KCNQ1OT1: variants seen among roughly 807,000 people sequenced by gnomAD.
KCNQ1OT1 encodes the protein KCNQ1 opposite strand/antisense transcript 1.
Position 2,623,933 on chromosome 11 carries a change from C to A in KCNQ1OT1, n.76062G>T. The A allele has an allele frequency of 1.0e-5, 4 of 398,556 alleles. No homozygotes were observed. The highest frequency in any genetic ancestry group is 1.8e-5 in the Non-Finnish European group (4 of 226,034). 24.7% of individuals were successfully genotyped at this position (398,556 alleles called of 1,614,324 possible). On this transcript the variant is annotated non_coding_transcript_exon_variant, in exon 1 of 1. Coordinates refer to ENST00000597346, the Ensembl canonical transcript of KCNQ1OT1. This position sits in a 1 kb window ranked among gnomAD's most constrained non-coding sequence, Gnocchi z 5.2. ...TCCTATGATAATTCCATTTTTAATT[C>A]TTTGAAGAACCACCAAACTCTTCTC...
In KCNQ1OT1 at chr11:2,679,963, G is replaced by A. The variant is rs1269284760; in HGVS notation, n.20032C>T. 4.3e-5 allele frequency: 17 copies of A among 396,858 alleles called. 1 individual carries two copies. Among genetic ancestry groups the A allele is most frequent in the Middle Eastern group, 6.3e-4 (1 of 1,584 alleles). 24.6% of individuals were successfully genotyped at this position (396,858 alleles called of 1,614,324 possible). A position where few individuals can be genotyped will look rare whatever the true frequency, so the allele number is the denominator to read the frequency against. On this transcript the variant is annotated non_coding_transcript_exon_variant, in exon 1 of 1. Coordinates refer to ENST00000597346, the Ensembl canonical transcript of KCNQ1OT1. The surrounding 1 kb of genome is among the most constrained non-coding windows in gnomAD (Gnocchi z 4.8). ...GGCGGGAATGCAGTGGCACAGTCTC[G>A]GCTTACTGCAACCTCTACCTCCTGG...
Position 2,626,756 on chromosome 11 carries a change from T to C in KCNQ1OT1, n.73239A>G. 2.5e-6 allele frequency: 1 copy of C among 398,516 alleles called. No homozygotes were observed. Among genetic ancestry groups the C allele is most frequent in the Non-Finnish European group, 4.4e-6 (1 of 226,080 alleles). The allele number at this position is 398,516 out of a possible 1,614,324, so 24.7% of individuals were successfully genotyped here. On this transcript the variant is annotated non_coding_transcript_exon_variant, in exon 1 of 1. Transcript: ENST00000597346. This position sits in a 1 kb window ranked among gnomAD's most constrained non-coding sequence, Gnocchi z 4.0. ...GTTCCCCAGGCTGGTCTCAAACTCC[T>C]GGACTCAGAAGTCCTCCCACCTCAG...
chr11:2,655,084 T>G (rs1849820935), exon 1 of KCNQ1OT1: 1 of 398,622 alleles, frequency 2.5e-6, no homozygotes, highest in African/African-American at 2.1e-5. Context: ...GTGCCTGTAT[T>G]TTTAAAAAAA....
In KCNQ1OT1 at chr11:2,644,529, T is replaced by C. The variant is rs79461706; in HGVS notation, n.55466A>G. The C allele has an allele frequency of 7.5e-6, 3 of 398,524 alleles. No individual in the cohort carries two copies. The South Asian group carries it at 3.8e-4, about 51-fold the overall frequency. The allele number at this position is 398,524 out of a possible 1,614,324, so 24.7% of individuals were successfully genotyped here. ...CTATCAGATCTTCTTTAATATTATATTGAATTTTTCAAGGTTTCATCAATT... is the reference window on the plus strand; with the variant it reads ...CTATCAGATCTTCTTTAATATTATACTGAATTTTTCAAGGTTTCATCAATT... On this transcript the variant is annotated non_coding_transcript_exon_variant, in exon 1 of 1. Transcript: ENST00000597346.
chr11:2,654,611 T>A lies in KCNQ1OT1; in HGVS notation n.45384A>T. ...GCAGGGGGTGAGTGGTTGGGTGAAG[T>A]TACTAGGAAGGGCCCAGACACTGGC... On this transcript the variant is annotated non_coding_transcript_exon_variant, in exon 1 of 1. Coordinates refer to ENST00000597346, the Ensembl canonical transcript of KCNQ1OT1. The surrounding 1 kb of genome is among the most constrained non-coding windows in gnomAD (Gnocchi z 6.4). The A allele has an allele frequency of 2.5e-6, 1 of 398,572 alleles. No individual in the cohort carries two copies. The highest frequency in any genetic ancestry group is 4.4e-6 in the Non-Finnish European group (1 of 226,190). The allele number at this position is 398,572 out of a possible 1,614,324, so 24.7% of individuals were successfully genotyped here.
rs34219164 is a variant in KCNQ1OT1, at chr11:2,674,832, TAAAAAAAAAAAAAAAA to T, written n.25147_25162del. ...GCTTGTCACCCTAATAGCTGTTTTT[TAAAAAAAAAAAAAAAA>T]AAAAAAAAAAAAGCTCACTGGGCAC... On this transcript the variant is annotated non_coding_transcript_exon_variant, in exon 1 of 1. Coordinates refer to ENST00000597346, the Ensembl canonical transcript of KCNQ1OT1. This position sits in a 1 kb window ranked among gnomAD's most constrained non-coding sequence, Gnocchi z 5.9. 2 of 243,764 alleles carry T rather than the reference TAAAAAAAAAAAAAAAA, an allele frequency of 8.2e-6. No homozygotes were observed. The highest frequency in any genetic ancestry group is 3.8e-5 in the African/African-American group (1 of 26,030). The allele number at this position is 243,764 out of a possible 1,614,324, so 15.1% of individuals were successfully genotyped here.
chr11:2,647,904 T>A lies in KCNQ1OT1; in HGVS notation n.52091A>T. 2.5e-6 allele frequency: 1 copy of A among 398,462 alleles called. No homozygotes were observed. The highest frequency in any genetic ancestry group is 4.4e-6 in the Non-Finnish European group (1 of 226,058). 24.7% of individuals were successfully genotyped at this position (398,462 alleles called of 1,614,324 possible). ...GTTAGTCTAGCTAATGGTTTATTGA[T>A]TTTCTCTTTTCAAAAAATCAGTTTT... On this transcript the variant is annotated non_coding_transcript_exon_variant, in exon 1 of 1. Transcript: ENST00000597346. The surrounding 1 kb of genome is among the most constrained non-coding windows in gnomAD (Gnocchi z 4.0).
In KCNQ1OT1 at chr11:2,691,619, G is replaced by A. The variant is rs1311862148; in HGVS notation, n.8376C>T. ...AGTCAACCTAGCTTGTTCCCTGCAC[G>A]TACTGTGGGGAGGTCCTCTTTACCG... On this transcript the variant is annotated non_coding_transcript_exon_variant, in exon 1 of 1. Coordinates refer to ENST00000597346, the Ensembl canonical transcript of KCNQ1OT1. This position sits in a 1 kb window ranked among gnomAD's most constrained non-coding sequence, Gnocchi z 6.4. The A allele has an allele frequency of 2.8e-5, 11 of 398,426 alleles. No homozygotes were observed. The highest frequency in any genetic ancestry group is 7.1e-5 in the East Asian group (2 of 28,078). 24.7% of individuals were successfully genotyped at this position (398,426 alleles called of 1,614,324 possible). A position where few individuals can be genotyped will look rare whatever the true frequency, so the allele number is the denominator to read the frequency against.
rs1320617217 is a variant in KCNQ1OT1, at chr11:2,659,116, T to A, written n.40879A>T. Reference sequence around the variant, plus strand: ...TCCTCCAACATCCGGGTTAATTTTTTAAATTTGCATACAGTAAAATCCACT... The same window carrying A: ...TCCTCCAACATCCGGGTTAATTTTTAAAATTTGCATACAGTAAAATCCACT... On this transcript the variant is annotated non_coding_transcript_exon_variant, in exon 1 of 1. Coordinates refer to ENST00000597346, the Ensembl canonical transcript of KCNQ1OT1. This position sits in a 1 kb window ranked among gnomAD's most constrained non-coding sequence, Gnocchi z 4.3. 1.0e-5 allele frequency: 4 copies of A among 398,516 alleles called. No individual in the cohort carries two copies. The highest frequency in any genetic ancestry group is 2.1e-5 in the African/African-American group (1 of 48,650). 24.7% of individuals were successfully genotyped at this position (398,516 alleles called of 1,614,324 possible).
rs370113234 is a variant in KCNQ1OT1, at chr11:2,644,576, G to A, written n.55419C>T. The A allele has an allele frequency of 3.0e-3, 1,177 of 398,338 alleles. 11 individuals carry two copies. The highest frequency in any genetic ancestry group is 0.021 in the African/African-American group (1,009 of 48,636). 24.7% of individuals were successfully genotyped at this position (398,338 alleles called of 1,614,324 possible). A position where few individuals can be genotyped will look rare whatever the true frequency, so the allele number is the denominator to read the frequency against. ...AATTTCTTTTTCACTGGAATCTGTT[G>A]GAGAATTATTGCATTCCTTAGGAGT... On this transcript the variant is annotated non_coding_transcript_exon_variant, in exon 1 of 1. Transcript: ENST00000597346.
chr11:2,609,976 C>T, exon 1 of KCNQ1OT1: 1 of 397,872 alleles, frequency 2.5e-6, no homozygotes, highest in Non-Finnish European at 4.4e-6. Flanking sequence ...ATAATTCCTG[C>T]CTTTGATTAG....
exon 1 of KCNQ1OT1, chr11:2,665,757 A>G: frequency 2.5e-6 from 1 of 398,122 alleles, no homozygotes; most frequent in Non-Finnish European, 4.4e-6. Context: ...AGGCATGGAG[A>G]AGCCCTAGGA....
In KCNQ1OT1 at chr11:2,682,085, C is replaced by T. The variant is rs138628534; in HGVS notation, n.17910G>A. 5.6e-3 allele frequency: 2,219 copies of T among 398,554 alleles called. 19 individuals are homozygous for T. The highest frequency in any genetic ancestry group is 6.4e-3 in the Non-Finnish European group (1,456 of 226,040). 24.7% of individuals were successfully genotyped at this position (398,554 alleles called of 1,614,324 possible). On this transcript the variant is annotated non_coding_transcript_exon_variant, in exon 1 of 1. Transcript: ENST00000597346. The surrounding 1 kb of genome is among the most constrained non-coding windows in gnomAD (Gnocchi z 5.8). ...GGGTTGAGGGATTGAGTCTAGGGCC[C>T]AGGGTCACAAAGCTAGGGAGCCGTG...
Position 2,658,759 on chromosome 11 carries a change from G to C in KCNQ1OT1, n.41236C>G. 2.5e-6 allele frequency: 1 copy of C among 398,398 alleles called. No homozygotes were observed. 24.7% of individuals were successfully genotyped at this position (398,398 alleles called of 1,614,324 possible). ...TGTATCTATATAAAGCTAACCATGA[G>C]TTCATACTGACATTTCTGACCAGAG... On this transcript the variant is annotated non_coding_transcript_exon_variant, in exon 1 of 1. Coordinates refer to ENST00000597346, the Ensembl canonical transcript of KCNQ1OT1. The surrounding 1 kb of genome is among the most constrained non-coding windows in gnomAD (Gnocchi z 4.9).
exon 1 of KCNQ1OT1, chr11:2,650,089 G>C (rs1209894587): frequency 5.0e-6 from 2 of 398,064 alleles, no homozygotes; most frequent in Non-Finnish European, 8.9e-6. Context: ...GCTTTCAATT[G>C]TATTTTTTAT....
In KCNQ1OT1 at chr11:2,647,431, A is replaced by G. The variant is rs1849683568; in HGVS notation, n.52564T>C. ...TTCTGAGGATTCTGCATCTATGTTC[A>G]TCAGGGAGATTGGCCTGTAGTTTTC... On this transcript the variant is annotated non_coding_transcript_exon_variant, in exon 1 of 1. Transcript: ENST00000597346. The surrounding 1 kb of genome is among the most constrained non-coding windows in gnomAD (Gnocchi z 4.0). The G allele has an allele frequency of 2.5e-6, 1 of 398,528 alleles. No homozygotes were observed. Among genetic ancestry groups the G allele is most frequent in the Non-Finnish European group, 4.4e-6 (1 of 226,040 alleles). The allele number at this position is 398,528 out of a possible 1,614,324, so 24.7% of individuals were successfully genotyped here.
chr11:2,666,533 T>A (rs1445153644), exon 1 of KCNQ1OT1: 2 of 398,556 alleles, frequency 5.0e-6, no homozygotes, highest in African/African-American at 2.1e-5. Flanking sequence ...TTCATCCACA[T>A]CACTACTAAT....
At chr11:2,646,924 T>A (rs995988059) in exon 1 of KCNQ1OT1, 33 of 398,562 alleles carry the variant, frequency 8.3e-5, no homozygotes, top group Non-Finnish European at 1.1e-4. Context: ...TATAAGATTA[T>A]GCCATCTGCA....
In KCNQ1OT1 at chr11:2,623,060, T is replaced by G. The variant is rs2133806617; in HGVS notation, n.76935A>C. 2.5e-6 allele frequency: 1 copy of G among 398,660 alleles called. No individual in the cohort carries two copies. Among genetic ancestry groups the G allele is most frequent in the East Asian group, 3.6e-5 (1 of 28,086 alleles). The allele number at this position is 398,660 out of a possible 1,614,324, so 24.7% of individuals were successfully genotyped here. A position where few individuals can be genotyped will look rare whatever the true frequency, so the allele number is the denominator to read the frequency against. On this transcript the variant is annotated non_coding_transcript_exon_variant, in exon 1 of 1. Transcript: ENST00000597346. This position sits in a 1 kb window ranked among gnomAD's most constrained non-coding sequence, Gnocchi z 5.2. ...CCTGGTGGGGGGCAAACTTCCCCCT[T>G]GCTGTTCTCATGATAGTGAGTTCTC...
Sources: allele counts gnomAD v4.1 joint callset, GRCh38; gene constraint gnomAD v4.1.1; non-coding constraint Gnocchi (gnomAD v3.1); transcripts MANE v1.5; gene names NCBI Gene and HGNC (gene_info 2026-07-23, HGNC 2026-07-21).